RASSF3: variants seen among roughly 807,000 people sequenced by gnomAD.
RASSF3 encodes the protein Ras association domain family member 3.
RASSF3 carries 19 observed loss-of-function variants against 19.9 expected under a neutral mutation model. That is an observed-to-expected ratio of 0.96 (90% CI 0.67 to 1.40). RASSF3 has a LOEUF of 1.40. Among genes scored for constraint, RASSF3 ranks in the 40% most tolerant of loss-of-function variants. The pLI is 0.00. For synonymous variants in RASSF3, 110 were observed against 104.2 expected (o/e 1.06, Z -0.34); for missense variants, 306 against 289.8 (o/e 1.06, Z -0.41).
At chr12:64,618,602 C>T (rs1032997753) in intron 1 of RASSF3, among the ~76,000 whole-genome samples, 5 of 152,196 alleles carry the variant, frequency 3.3e-5, no homozygotes, top group African/African-American at 9.6e-5. Flanking sequence ...GCTGGGATTA[C>T]AGGCGTGAGC....
chr12:64,686,182 GT>G (rs202133160), intron 2 of RASSF3, among the ~76,000 whole-genome samples: 4,818 of 146,156 alleles, frequency 0.033, 135 homozygotes, highest in East Asian at 0.15. Context: ...CACTTGCTAT[GT>G]TTTTTTTTTT....
intron 1 of RASSF3, among the ~76,000 whole-genome samples, chr12:64,513,454 A>G (rs1868340397): frequency 1.0e-5 from 1 of 98,162 alleles, no homozygotes. Flanking sequence ...CCATCTCAGA[A>G]AAAAAAAAAA....
chr12:64,648,712 A>T (rs1025318985), intron 1 of RASSF3, among the ~76,000 whole-genome samples: 1 of 150,316 alleles, frequency 6.7e-6, no homozygotes, highest in African/African-American at 2.5e-5. Flanking sequence ...CGATCTCTTG[A>T]CCTTGTGATC....
chr12:64,571,047 A>AT (rs1869510038), intron 2 of RASSF3, among the ~76,000 whole-genome samples: 1 of 151,946 alleles, frequency 6.6e-6, no homozygotes, highest in African/African-American at 2.4e-5. Flanking sequence ...GTGAAACCCC[A>AT]TCTCTACTAA....
intron 1 of RASSF3, among the ~76,000 whole-genome samples, chr12:64,683,065 C>A (rs1410153998): frequency 6.6e-6 from 1 of 152,118 alleles, no homozygotes; most frequent in Non-Finnish European, 1.5e-5. Flanking sequence ...AATCTTCTGT[C>A]CTTATCTGTA....
At chr12:64,660,062 A>G (rs1244879) in intron 1 of RASSF3, among the ~76,000 whole-genome samples, 10 of 149,372 alleles carry the variant, frequency 6.7e-5, no homozygotes, top group South Asian at 4.2e-4. Flanking sequence ...GTATATATAT[A>G]TGTGTGTGTG....
chr12:64,667,917 A>G (rs918813947), intron 1 of RASSF3, among the ~76,000 whole-genome samples: 2 of 152,190 alleles, frequency 1.3e-5, no homozygotes, highest in African/African-American at 4.8e-5. Flanking sequence ...ATTAAGAGGT[A>G]AGAAAGTAAC....
chr12:64,652,808 G>T (rs530644562), intron 1 of RASSF3, among the ~76,000 whole-genome samples: 2 of 152,164 alleles, frequency 1.3e-5, no homozygotes, highest in African/African-American at 4.8e-5. Context: ...ATGATTTGCA[G>T]TATAATTCTA....
chr12:64,530,178 C>A (rs2136109059), upstream of RASSF3, among the ~76,000 whole-genome samples: 1 of 152,238 alleles, frequency 6.6e-6, no homozygotes, highest in East Asian at 1.9e-4. Flanking sequence ...TCTTTTGGGG[C>A]ATTATATAAA....
chr12:64,623,824 T>C (rs979425035), intron 1 of RASSF3, among the ~76,000 whole-genome samples: 1 of 151,788 alleles, frequency 6.6e-6, no homozygotes, highest in Non-Finnish European at 1.5e-5. Context: ...TATTTTTATT[T>C]TTTTAGTAGA....
chr12:64,685,028 A>G (rs746580393), intron 2 of RASSF3, 134 bp downstream of exon 2: 7 of 562,292 alleles, frequency 1.2e-5, no homozygotes, highest in Non-Finnish European at 1.9e-5. Flanking sequence ...CAGAACAGGA[A>G]AGTGGAATAT....
At chr12:64,569,827 TG>T (rs112489715) in intron 2 of RASSF3, among the ~76,000 whole-genome samples, 4 of 152,244 alleles carry the variant, frequency 2.6e-5, no homozygotes, top group African/African-American at 9.6e-5. Flanking sequence ...TAGCCAGGCA[TG>T]GTGGCGCATG....
chr12:64,516,683 T>TA (rs947895161), intron 1 of RASSF3, among the ~76,000 whole-genome samples: 5 of 146,814 alleles, frequency 3.4e-5, no homozygotes, highest in Admixed American at 1.4e-4. Context: ...TCAGGAAAAC[T>TA]AAAAAAAATT....
At chr12:64,543,037 A>G (rs1482414630), downstream of RASSF3, among the ~76,000 whole-genome samples, 3 of 99,046 alleles carry the variant, frequency 3.0e-5, no homozygotes, top group South Asian at 3.9e-4. Context: ...CCGCACTTGG[A>G]GTGGCGGGCC....
chr12:64,621,694 A>G (rs1412152866), intron 1 of RASSF3, among the ~76,000 whole-genome samples: 1 of 151,946 alleles, frequency 6.6e-6, no homozygotes, highest in East Asian at 1.9e-4. Flanking sequence ...ATGGTCTCGA[A>G]CTCCTGATCT....
chr12:64,647,900 G>T (rs1871798532), intron 1 of RASSF3, among the ~76,000 whole-genome samples: 2 of 152,182 alleles, frequency 1.3e-5, no homozygotes, highest in South Asian at 4.1e-4. Context: ...GAATAAATGA[G>T]AAATAGGTCC....
At chr12:64,519,411 GTA>G (rs138994678) in intron 1 of RASSF3, among the ~76,000 whole-genome samples, 114 of 150,830 alleles carry the variant, frequency 7.6e-4, no homozygotes, top group Non-Finnish European at 1.4e-3. Context: ...TCTCAAATAC[GTA>G]TATATATATA....
chr12:64,630,576 C>T (rs571724343), intron 1 of RASSF3, among the ~76,000 whole-genome samples: 5 of 152,224 alleles, frequency 3.3e-5, no homozygotes, highest in African/African-American at 9.6e-5. Flanking sequence ...CTGAACTGTT[C>T]TTTTTACTCC....
rs1333919743 is a variant in RASSF3 at position 64,610,587 on chromosome 12, C to T, written c.-46C>T. The T allele has an allele frequency of 8.1e-7, 1 of 1,232,602 alleles. No individual in the cohort carries two copies. The highest frequency in any genetic ancestry group is 3.0e-5 in the East Asian group (1 of 33,216). The allele number at this position is 1,232,602 out of a possible 1,614,324, so 76.4% of individuals were successfully genotyped here. ...GCGGGCGCCGCACCCCCTCCCTGGC[C>T]GCCTGCGCCCCGGGGAGGCCGCCCG... On this transcript the variant is annotated 5_prime_UTR_variant, in exon 1 of 5. Coordinates refer to ENST00000542104, the MANE Select transcript of RASSF3 (RefSeq NM_178169.4).
Sources: gnomAD v4.1 joint callset for allele counts (sites outside exome capture counted in the v4.1 genomes callset) on GRCh38, gnomAD v4.1.1 for gene constraint, MANE v1.5 for transcripts, NCBI Gene and HGNC (gene_info 2026-07-23, HGNC 2026-07-21) for gene names.